The following ABCA5 variants were observed in gnomAD, a reference collection of about 807,000 sequenced individuals.
The protein encoded by ABCA5 is ATP binding cassette subfamily A member 5, also known as cholesterol transporter ABCA5.
A neutral mutation model predicts 206.0 loss-of-function variants in ABCA5; 163 were observed. That is an observed-to-expected ratio of 0.79 (90% CI 0.70 to 0.90). ABCA5 has a LOEUF of 0.90. Among genes scored for constraint, ABCA5 ranks in the 40% least tolerant of loss-of-function variants. ABCA5 has a pLI of 0.00. For missense variants in ABCA5, 1,859 were observed against 1,912.9 expected (o/e 0.97, Z 0.53); for synonymous variants, 609 against 613.8 (o/e 0.99, Z 0.11).
intron 18 of ABCA5, among the ~76,000 whole-genome samples, chr17:69,278,582 T>C (rs889962420): frequency 6.6e-6 from 1 of 151,978 alleles, no homozygotes; most frequent in African/African-American, 2.4e-5. Context: ...TCAATGACAG[T>C]GTGATCATAC....
In ABCA5 at chr17:69,260,394, G is replaced by A. The variant is rs757075616; in HGVS notation, c.3583C>T (p.Arg1195Ter). ...SFIKISWKNVRKNVDTYNPWD... is the reference protein window; with the variant it reads ...SFIKISWKNV ...GGATTATAGGTGTCCACATTTTTTCGTACATTCTTCCAAGAAATCTAAGAC... is the reference window on the plus strand; with the variant it reads ...GGATTATAGGTGTCCACATTTTTTCATACATTCTTCCAAGAAATCTAAGAC... The change falls in exon 27 of 39, where the codon CGA becomes TGA. Residue 1195 changes from arginine to a stop codon, truncating the protein, a stop_gained. Coordinates refer to ENST00000392676, the MANE Select transcript of ABCA5 (RefSeq NM_172232.4). LOFTEE classifies it high-confidence loss of function. The A allele has an allele frequency of 2.2e-5, 35 of 1,604,516 alleles. No individual in the cohort carries two copies. Among genetic ancestry groups the A allele is most frequent in the East Asian group, 4.5e-5 (2 of 44,490 alleles).
intron 18 of ABCA5, among the ~76,000 whole-genome samples, chr17:69,281,391 T>A (rs1197242410): frequency 6.6e-6 from 1 of 152,142 alleles, no homozygotes; most frequent in Non-Finnish European, 1.5e-5. Flanking sequence ...CTTCTTTTTT[T>A]AGTTATTTAA....
At position 69,261,154 on chromosome 17, in the gene ABCA5, G is replaced by A. The variant is rs753489836; in HGVS notation, c.3535C>T (p.Leu1179Phe). 6.3e-7 allele frequency: 1 copy of A among 1,597,426 alleles called. No homozygotes were observed. Among genetic ancestry groups the A allele is most frequent in the Non-Finnish European group, 8.5e-7 (1 of 1,170,550 alleles). The change falls in exon 26 of 39, where the codon CTT (leucine) becomes TTT (phenylalanine). Residue 1179 changes from leucine to phenylalanine, a missense_variant. Physicochemically the swap from Leu to Phe is conservative, Grantham distance 22. Transcript: ENST00000392676. ...AFCIIIPIYP[L>F]LGCLISFIKI... ...ATGAAAGAAATCAGGCAACCTAGAAGTGGATAGATTGGAATGATGATACAA... is the reference window on the plus strand; with the variant it reads ...ATGAAAGAAATCAGGCAACCTAGAAATGGATAGATTGGAATGATGATACAA...
chr17:69,313,095 CA>C lies in ABCA5; in HGVS notation c.303del (p.Asp102MetfsTer3). 6.3e-7 allele frequency: 1 copy of C among 1,596,108 alleles called. No individual in the cohort carries two copies. The highest frequency in any genetic ancestry group is 1.1e-5 in the South Asian group (1 of 88,042). ...IMQKVSTDHL[P>X]DVIITEEYTN... ...TATATATATAAGCTCACAATACCAT[CA>C]GGTAGATGATCAGTAGACACTTTCT... On this transcript the variant is annotated frameshift_variant, in exon 3 of 39. Coordinates refer to ENST00000392676, the MANE Select transcript of ABCA5 (RefSeq NM_172232.4). LOFTEE classifies it high-confidence loss of function.
intron 24 of ABCA5, 120 bp from the exon 25 acceptor site, chr17:69,261,868 T>G: frequency 2.3e-6 from 1 of 427,884 alleles, no homozygotes; most frequent in East Asian, 3.7e-5. Flanking sequence ...TCATTTAAAC[T>G]GAACACTACT....
chr17:69,256,894 C>A (rs1373332596), intron 28 of ABCA5, among the ~76,000 whole-genome samples: 1 of 152,010 alleles, frequency 6.6e-6, no homozygotes, highest in Non-Finnish European at 1.5e-5. Flanking sequence ...ATGAACCTTG[C>A]CCTCAAAAAA....
In ABCA5 at chr17:69,268,013, GC is replaced by G; in HGVS notation, c.3073del (p.Ala1025GlnfsTer59). 1 of 1,610,218 alleles carries G rather than the reference GC, an allele frequency of 6.2e-7. No homozygotes were observed. Among genetic ancestry groups the G allele is most frequent in the Non-Finnish European group, 8.5e-7 (1 of 1,177,404 alleles). On this transcript the variant is annotated frameshift_variant, in exon 23 of 39. Coordinates refer to ENST00000392676, the MANE Select transcript of ABCA5 (RefSeq NM_172232.4). LOFTEE classifies it high-confidence loss of function. ...AGTAACAATGATTCCAAGCAAAGCTGCTTGAAAATACAGCTCAATTTTAAAA... is the reference window on the plus strand; with the variant it reads ...AGTAACAATGATTCCAAGCAAAGCTGTTGAAAATACAGCTCAATTTTAAAA... Reference protein sequence around the residue: ...IVFKIELYFQAALLGIIVTAM... With the variant: ...IVFKIELYFQXALLGIIVTAM...
rs776187255 is a variant in ABCA5, at chr17:69,274,013, G to C, written c.2710C>G (p.Pro904Ala). The C allele has an allele frequency of 1.2e-5, 20 of 1,609,950 alleles. No individual in the cohort carries two copies. The highest frequency in any genetic ancestry group is 1.6e-5 in the Non-Finnish European group (19 of 1,178,624). The change falls in exon 20 of 39, where the codon CCT becomes GCT. Residue 904 changes from proline to alanine, a missense_variant. Coordinates refer to ENST00000392676, the MANE Select transcript of ABCA5 (RefSeq NM_172232.4). ...TTGTATTTATGTGGTTTGTCTCCAG[G>C]TTTTAGAAAATATAAGTCTGGAACA... ...KLVPDLYFLK[P>A]GDKPHKYKTS...
Position 69,254,463 on chromosome 17 carries a change from T to C in ABCA5, c.4096A>G (p.Thr1366Ala). 4 of 1,612,032 alleles carry C rather than the reference T, an allele frequency of 2.5e-6. No homozygotes were observed. The highest frequency in any genetic ancestry group is 2.5e-6 in the Non-Finnish European group (3 of 1,179,314). ...QVFLGDYSSE[T>A]SEDDDSLKCM... ...TTCAGTGAATCATCATCTTCACTTG[T>C]CTCTGAAGAATAATCTCCTAAAAAT... Residue 1366 changes from threonine to alanine, a missense_variant, in exon 32 of 39, where the codon ACA (threonine) becomes GCA (alanine). Physicochemically the swap from Thr to Ala is moderately conservative, Grantham distance 58. Coordinates refer to ENST00000392676, the MANE Select transcript of ABCA5 (RefSeq NM_172232.4).
In ABCA5 at chr17:69,303,845, CAT is replaced by C. The variant is rs1421146542; in HGVS notation, c.930+822_930+823del. On this transcript the variant is annotated intron_variant, in intron 7 of 38. Transcript: ENST00000392676. ...ATATATGTATATATATATATACATA[CAT>C]ATATATATGTATATATATATATACA... 6.5e-4 allele frequency among the ~76,000 whole-genome samples: 4 copies of C among 6,196 alleles called. 2 individuals carry two copies. Among genetic ancestry groups the C allele is most frequent in the African/African-American group, 1.1e-3 (4 of 3,642 alleles). 4.1% of individuals were successfully genotyped at this position (6,196 alleles called of 152,430 possible).
chr17:69,319,156 G>GGGAA (rs1311162616), intron 1 of ABCA5, among the ~76,000 whole-genome samples: 3 of 152,110 alleles, frequency 2.0e-5, no homozygotes, highest in African/African-American at 7.2e-5. Context: ...GATAATAGGA[G>GGGAA]GGAAGGAAGG....
At chr17:69,306,701 A>G (rs1598200532) in intron 6 of ABCA5, 24 bp downstream of exon 6, 1 of 1,142,812 alleles carries the variant, frequency 8.8e-7, no homozygotes, top group Non-Finnish European at 1.2e-6. Flanking sequence ...AATTATATTA[A>G]GTAATAAATT....
chr17:69,315,834 A>G (rs2075811340), intron 1 of ABCA5, among the ~76,000 whole-genome samples: 2 of 152,018 alleles, frequency 1.3e-5, no homozygotes, highest in African/African-American at 4.8e-5. Flanking sequence ...CAAAGATACC[A>G]ATGCTGAAAT....
intron 6 of ABCA5, among the ~76,000 whole-genome samples, chr17:69,305,976 TAA>T: frequency 6.6e-6 from 1 of 152,316 alleles, no homozygotes; most frequent in South Asian, 2.1e-4. Flanking sequence ...TGTTAATGAT[TAA>T]TTGTTACATT....
intron 28 of ABCA5, among the ~76,000 whole-genome samples, 173 bp from the exon 29 acceptor site, chr17:69,256,456 CTTT>C (rs563994135): frequency 5.1e-5 from 7 of 137,826 alleles, no homozygotes; most frequent in Admixed American, 1.5e-4. Flanking sequence ...TTCTTTCTTT[CTTT>C]TTTTTTTTTT....
At chr17:69,280,248 G>A (rs560034056) in intron 18 of ABCA5, among the ~76,000 whole-genome samples, 7 of 152,288 alleles carry the variant, frequency 4.6e-5, no homozygotes, top group African/African-American at 1.7e-4. Flanking sequence ...CTTCTCAAAA[G>A]AAGACATTTA....
rs2075084768 is a variant in ABCA5 at position 69,256,587 on chromosome 17, C to T, written c.3732-304G>A. On this transcript the variant is annotated intron_variant, in intron 28 of 38. Coordinates refer to ENST00000392676, the MANE Select transcript of ABCA5 (RefSeq NM_172232.4). ...TCTCCTGCCTCAGCCTCCTGAGTAGCTGGGATTACAGGCACGCGCCACCAT... is the reference window on the plus strand; with the variant it reads ...TCTCCTGCCTCAGCCTCCTGAGTAGTTGGGATTACAGGCACGCGCCACCAT... Among the ~76,000 whole-genome samples the T allele has an allele frequency of 2.0e-5, 3 of 151,568 alleles. No individual in the cohort carries two copies. In the South Asian group the frequency reaches 6.3e-4, roughly 32 times the overall value.
intron 5 of ABCA5, 95 bp from the exon 6 acceptor site, chr17:69,307,049 A>G (rs1354011588): frequency 5.6e-6 from 4 of 714,510 alleles, no homozygotes; most frequent in Non-Finnish European, 8.3e-6. Context: ...TTGGTCAGTA[A>G]CCTAGTACAA....
rs966843099 is a variant in ABCA5, at chr17:69,326,763, G to GC, written c.-16+288dup. On this transcript the variant is annotated intron_variant, in intron 1 of 38. Transcript: ENST00000392676. This position sits in a 1 kb window ranked among gnomAD's most constrained non-coding sequence, Gnocchi z 4.8. ...CCCGGTCCCAGGGGAGCCTCGCGGA[G>GC]CCCCCGCCGCAGGGCCCCGACCCCC... Among the ~76,000 whole-genome samples the GC allele has an allele frequency of 6.6e-6, 1 of 152,084 alleles. No individual in the cohort carries two copies. The highest frequency in any genetic ancestry group is 1.5e-5 in the Non-Finnish European group (1 of 67,998).
Sources: gnomAD v4.1 joint callset for allele counts (sites outside exome capture counted in the v4.1 genomes callset) on GRCh38, gnomAD v4.1.1 for gene constraint, Gnocchi (gnomAD v3.1) non-coding constraint, MANE v1.5 for transcripts, NCBI Gene and HGNC (gene_info 2026-07-23, HGNC 2026-07-21) for gene names.